The following PCDHGC5 variants were observed in gnomAD, a reference collection of about 807,000 sequenced individuals.
The protein encoded by PCDHGC5 is protocadherin gamma-C5.
PCDHGC5 carries 25 observed loss-of-function variants against 59.0 expected under a neutral mutation model. The ratio of observed to expected loss-of-function variants is 0.42; its 90% CI spans 0.31 to 0.59. PCDHGC5 has a LOEUF of 0.59. Ranked by LOEUF, PCDHGC5 falls within the 20% of genes least tolerant of loss-of-function variation. The pLI, the probability that PCDHGC5 is intolerant of heterozygous loss-of-function variation, is 0.13. For synonymous variants in PCDHGC5, 434 were observed against 505.5 expected, an observed-to-expected ratio of 0.86 and a Z score of 1.90; for missense variants, 1,067 against 1,206.4, an observed-to-expected ratio of 0.88 and a Z score of 1.71.
intron 2 of PCDHGC5, among the ~76,000 whole-genome samples, chr5:141,502,200 C>T (rs553356132): frequency 6.6e-6 from 1 of 152,252 alleles, no homozygotes; most frequent in African/African-American, 2.4e-5. Flanking sequence ...AATATAGAAT[C>T]CACCAGCAGA....
chr5:141,489,225 A>G lies in PCDHGC5; in HGVS notation c.-16A>G. 3 of 1,518,230 alleles carry G rather than the reference A, an allele frequency of 2.0e-6. No individual in the cohort carries two copies. Among genetic ancestry groups the G allele is most frequent in the East Asian group, 2.3e-5 (1 of 44,234 alleles). 94.0% of individuals were successfully genotyped at this position (1,518,230 alleles called of 1,614,324 possible). On this transcript the variant is annotated 5_prime_UTR_variant, in exon 1 of 4. Coordinates refer to ENST00000252087, the MANE Select transcript of PCDHGC5 (RefSeq NM_018929.3). The surrounding 1 kb of genome is among the most constrained non-coding windows in gnomAD (Gnocchi z 4.5). ...GGACAGCACAGACTTACTCTCCACA[A>G]AGGGACTTCTGGGTCATGGGGCCCA...
intron 2 of PCDHGC5, among the ~76,000 whole-genome samples, chr5:141,499,884 C>T (rs917762715): frequency 2.0e-5 from 3 of 152,014 alleles, no homozygotes; most frequent in Admixed American, 6.5e-5. Flanking sequence ...AACAGGGTTT[C>T]GCCATGTTGG....
In PCDHGC5 at chr5:141,490,770, C is replaced by T. The variant is rs774014462; in HGVS notation, c.1530C>T (p.Asn510=). 1.2e-6 allele frequency: 2 copies of T among 1,614,120 alleles called. No individual in the cohort carries two copies. Among genetic ancestry groups the T allele is most frequent in the Non-Finnish European group, 8.5e-7 (1 of 1,179,968 alleles). ...GAPASSFVYV[N]PEDGRIFAQR... is the part of the protein sequence containing the mutation. ...CAGCCTCCTCCTTTGTGTATGTCAA[C>T]CCAGAGGATGGACGGATCTTTGCCC... The change falls in exon 1 of 4, where the codon AAC becomes AAT. Residue 510 remains asparagine (N), a synonymous_variant. Transcript: ENST00000252087. The surrounding 1 kb of genome is among the most constrained non-coding windows in gnomAD (Gnocchi z 5.4).
In PCDHGC5 at chr5:141,490,755, C is replaced by T; in HGVS notation, c.1515C>T (p.Ser505=). The part of the protein sequence containing the change: ...GNQVQGAPAS[S]FVYVNPEDGR... ...AGGTTCAGGGAGCCCCAGCCTCCTC[C>T]TTTGTGTATGTCAACCCAGAGGATG... The change falls in exon 1 of 4, where the codon TCC becomes TCT. Residue 505 remains serine, a synonymous_variant. Transcript: ENST00000252087. This position sits in a 1 kb window ranked among gnomAD's most constrained non-coding sequence, Gnocchi z 5.4. 1 of 1,614,190 alleles carries T rather than the reference C, an allele frequency of 6.2e-7. No individual in the cohort carries two copies. Among genetic ancestry groups the T allele is most frequent in the Non-Finnish European group, 8.5e-7 (1 of 1,180,026 alleles).
intron 2 of PCDHGC5, among the ~76,000 whole-genome samples, chr5:141,495,834 C>T (rs1366861675): frequency 6.6e-6 from 1 of 152,198 alleles, no homozygotes; most frequent in African/African-American, 2.4e-5. Context: ...CTATCCCCAG[C>T]CTCTATGTTT....
intron 2 of PCDHGC5, among the ~76,000 whole-genome samples, chr5:141,500,289 A>G (rs1440166636): frequency 6.6e-6 from 1 of 151,486 alleles, no homozygotes; most frequent in African/African-American, 2.4e-5. Flanking sequence ...GCTCACTGCA[A>G]GCTCCGCCTC....
At chr5:141,495,274 G>A (rs1396412578) in intron 2 of PCDHGC5, among the ~76,000 whole-genome samples, 1 of 152,190 alleles carries the variant, frequency 6.6e-6, no homozygotes, top group Non-Finnish European at 1.5e-5. Context: ...TTGACCGGAG[G>A]AGGCGGTCCG....
intron 3 of PCDHGC5, 125 bp downstream of exon 3, chr5:141,505,606 C>G: frequency 6.5e-7 from 1 of 1,528,642 alleles, no homozygotes; most frequent in Non-Finnish European, 8.8e-7. Flanking sequence ...TTCGGCAGGT[C>G]TGAAAGGACC....
chr5:141,505,371 C>T (rs2099845827), intron 2 of PCDHGC5, 22 bp from the exon 3 acceptor site: 4 of 1,613,980 alleles, frequency 2.5e-6, no homozygotes, highest in Non-Finnish European at 3.4e-6. Context: ...AGTCTGTGCT[C>T]ACCATCCTAC....
intron 2 of PCDHGC5, among the ~76,000 whole-genome samples, chr5:141,500,329 C>G (rs1384834356): frequency 6.6e-6 from 1 of 151,986 alleles, no homozygotes; most frequent in Non-Finnish European, 1.5e-5. Flanking sequence ...CTGCCTCAGC[C>G]TCCAGAATAG....
chr5:141,492,072 C>G (rs2099736816), intron 1 of PCDHGC5: 2 of 480,040 alleles, frequency 4.2e-6, no homozygotes, highest in East Asian at 3.3e-5. Context: ...TCCTAGGCGC[C>G]GGCTCCGGCA....
chr5:141,501,381 T>A (rs1261533671), intron 2 of PCDHGC5, among the ~76,000 whole-genome samples: 4 of 151,750 alleles, frequency 2.6e-5, no homozygotes, highest in African/African-American at 9.7e-5. Flanking sequence ...TCTTAAATCC[T>A]AGGTCCTGTC....
rs1562129544 is a variant in PCDHGC5 at position 141,489,362 on chromosome 5, C to G, written c.122C>G (p.Pro41Arg). ...TACTCAGTGGTGGAGGAGTCTGAGC[C>G]GGGGACGCTGGTGGGGAATGTTGCT... ...LRYSVVEESE[P>R]GTLVGNVAQD... Residue 41 changes from proline (P) to arginine (R), a missense_variant, in exon 1 of 4, where the codon CCG becomes CGG. Transcript: ENST00000252087. This position sits in a 1 kb window ranked among gnomAD's most constrained non-coding sequence, Gnocchi z 4.5. 6.2e-7 allele frequency: 1 copy of G among 1,613,052 alleles called. No individual in the cohort carries two copies. Among genetic ancestry groups the G allele is most frequent in the Non-Finnish European group, 8.5e-7 (1 of 1,179,268 alleles).
At chr5:141,494,183 G>A (rs971032835) in intron 1 of PCDHGC5, among the ~76,000 whole-genome samples, 2 of 152,146 alleles carry the variant, frequency 1.3e-5, no homozygotes, top group Non-Finnish European at 2.9e-5. Context: ...GAAGTGTCCC[G>A]GGACTTGGAT....
chr5:141,494,528 G>A lies in PCDHGC5; in HGVS notation c.2461-279G>A, dbSNP rs189993899. On this transcript the variant is annotated intron_variant, in intron 1 of 3. Coordinates refer to ENST00000252087, the MANE Select transcript of PCDHGC5 (RefSeq NM_018929.3). ...ATTTTGGCTCAGGAGTTCTGACTCTGGGGGCAGGGAGGAAGGGGCCATTTC... is the reference window on the plus strand; with the variant it reads ...ATTTTGGCTCAGGAGTTCTGACTCTAGGGGCAGGGAGGAAGGGGCCATTTC... 3.0e-4 allele frequency among the ~76,000 whole-genome samples: 45 copies of A among 152,274 alleles called. 1 individual carries two copies. Among genetic ancestry groups the A allele is most frequent in the African/African-American group, 1.0e-3 (42 of 41,542 alleles).
Position 141,490,800 on chromosome 5 carries a change from TACCTTTG to T in PCDHGC5, c.1563_1569del (p.Phe522MetfsTer32), listed in dbSNP as rs763340907. Reference sequence around the variant, plus strand: ...AGGATGGACGGATCTTTGCCCAGCGTACCTTTGACTATGAATTGCTGCAGATGCTGCA... The same window carrying T: ...AGGATGGACGGATCTTTGCCCAGCGTACTATGAATTGCTGCAGATGCTGCA... On this transcript the variant is annotated frameshift_variant, in exon 1 of 4. Transcript: ENST00000252087. LOFTEE classifies it high-confidence loss of function. The surrounding 1 kb of genome is among the most constrained non-coding windows in gnomAD (Gnocchi z 5.4). 2.5e-6 allele frequency: 4 copies of T among 1,613,968 alleles called. No homozygotes were observed. The highest frequency in any genetic ancestry group is 1.7e-6 in the Non-Finnish European group (2 of 1,179,894).
chr5:141,490,561 A>G lies in PCDHGC5; in HGVS notation c.1321A>G (p.Arg441Gly). Residue 441 changes from arginine to glycine, a missense_variant, in exon 1 of 4, where the codon AGG becomes GGG. Coordinates refer to ENST00000252087, the MANE Select transcript of PCDHGC5 (RefSeq NM_018929.3). This position sits in a 1 kb window ranked among gnomAD's most constrained non-coding sequence, Gnocchi z 5.4. Reference sequence around the variant, plus strand: ...TTCCCTACACAAACATCTCACCATCAGGCTCAACATTTCAGATGTCAATGA... The same window carrying G: ...TTCCCTACACAAACATCTCACCATCGGGCTCAACATTTCAGATGTCAATGA... ...SPSLHKHLTI[R>G]LNISDVNDNA... 6.2e-7 allele frequency: 1 copy of G among 1,614,090 alleles called. No individual in the cohort carries two copies. The highest frequency in any genetic ancestry group is 8.5e-7 in the Non-Finnish European group (1 of 1,180,004).
chr5:141,502,524 C>T (rs959562458), intron 2 of PCDHGC5, among the ~76,000 whole-genome samples: 3 of 151,910 alleles, frequency 2.0e-5, no homozygotes, highest in East Asian at 1.9e-4. Flanking sequence ...TCAGTGATGC[C>T]GAGTTTGTTC....
At chr5:141,505,106 G>A (rs934779049) in intron 2 of PCDHGC5, among the ~76,000 whole-genome samples, 1 of 152,188 alleles carries the variant, frequency 6.6e-6, no homozygotes, top group Non-Finnish European at 1.5e-5. Context: ...ATGTTGCAAT[G>A]AGCCAAGATC....
Sources: gnomAD v4.1 joint callset for allele counts (sites outside exome capture counted in the v4.1 genomes callset) on GRCh38, gnomAD v4.1.1 for gene constraint, Gnocchi (gnomAD v3.1) non-coding constraint, MANE v1.5 for transcripts, NCBI Gene and HGNC (gene_info 2026-07-23, HGNC 2026-07-21) for gene names.